SLC6A5: variants seen among roughly 807,000 people sequenced by gnomAD.
SLC6A5 encodes the protein solute carrier family 6 member 5.
In SLC6A5, 58 loss-of-function variants were observed where a neutral mutation model predicts 90.5. The observed-to-expected ratio is 0.64, with a 90% confidence interval of 0.52 to 0.80. The LOEUF is 0.80. SLC6A5 is among the 30% of genes least tolerant of loss of function. SLC6A5 has a pLI of 0.00. For missense variants in SLC6A5, 1,015 were observed against 1,017.6 expected, an observed-to-expected ratio of 1.00 and a Z score of 0.03; for synonymous variants, 427 against 401.4, an observed-to-expected ratio of 1.06 and a Z score of -0.76.
chr11:20,614,617 A>G, intron 5 of SLC6A5, 62 bp from the exon 6 acceptor site: 1 of 1,514,170 alleles, frequency 6.6e-7, no homozygotes, highest in Middle Eastern at 1.7e-4. Flanking sequence ...TGCTGCAGAG[A>G]GACAAATCTC....
Position 20,608,960 on chromosome 11 carries a change from G to C in SLC6A5, c.985+1308G>C, listed in dbSNP as rs201020650. Among the ~76,000 whole-genome samples, 281 of 65,344 alleles carry C rather than the reference G, an allele frequency of 4.3e-3. 1 individual carries two copies. Among genetic ancestry groups the C allele is most frequent in the Non-Finnish European group, 7.7e-3 (184 of 23,874 alleles). The allele number at this position is 65,344 out of a possible 152,430, so 42.9% of individuals were successfully genotyped here. On this transcript the variant is annotated intron_variant, in intron 5 of 15. Coordinates refer to ENST00000525748, the MANE Select transcript of SLC6A5 (RefSeq NM_004211.5). ...TCTCTCTCTCTCTCTCTCTCTCTCT[G>C]TGTGTGTGTGTGTGTGTGTGTGTGT... is the stretch of plus-strand genomic sequence containing the variant.
rs1853653750 is a variant in SLC6A5 at position 20,657,659 on chromosome 11, T to C, written c.*2791T>C. 1 of 152,234 alleles carries C rather than the reference T, an allele frequency of 6.6e-6. No homozygotes were observed. The highest frequency in any genetic ancestry group is 1.5e-5 in the Non-Finnish European group (1 of 68,040). 9.4% of individuals were successfully genotyped at this position (152,234 alleles called of 1,614,324 possible). On this transcript the variant is annotated 3_prime_UTR_variant, in exon 16 of 16. Transcript: ENST00000525748. The stretch of plus-strand genomic sequence containing the variant: ...AAAAACCGAGTAGCTGAGGAAAGAC[T>C]TTCATTGGTTCACTGTGTAGAATGG...
chr11:20,624,078 C>T (rs1398369777), intron 7 of SLC6A5, among the ~76,000 whole-genome samples: 2 of 138,098 alleles, frequency 1.4e-5, no homozygotes, highest in African/African-American at 5.3e-5. Flanking sequence ...ATATTAGTTG[C>T]TCTAAATATA....
At chr11:20,628,154 C>T (rs1206316573) in intron 9 of SLC6A5, 71 bp downstream of exon 9, 8 of 1,184,216 alleles carry the variant, frequency 6.8e-6, no homozygotes, top group South Asian at 1.2e-5. Context: ...AGTTATCAGA[C>T]ACCTGAGGCC....
chr11:20,622,826 G>A (rs893619072), intron 7 of SLC6A5, among the ~76,000 whole-genome samples: 2 of 152,128 alleles, frequency 1.3e-5, no homozygotes, highest in Non-Finnish European at 2.9e-5. Context: ...GGTGGTCAGA[G>A]GATGGAAAGG....
intron 7 of SLC6A5, among the ~76,000 whole-genome samples, chr11:20,620,884 C>G (rs1455382550): frequency 6.6e-6 from 1 of 152,112 alleles, no homozygotes; most frequent in Non-Finnish European, 1.5e-5. Context: ...ACTGCAACCT[C>G]CACCTCCTGG....
At chr11:20,629,666 C>G (rs191687065) in intron 9 of SLC6A5, among the ~76,000 whole-genome samples, 2 of 151,566 alleles carry the variant, frequency 1.3e-5, no homozygotes, top group Non-Finnish European at 2.9e-5. Context: ...GTTCATTCTT[C>G]TAGCTGTTTG....
intron 5 of SLC6A5, among the ~76,000 whole-genome samples, chr11:20,611,227 G>C (rs1288516428): frequency 6.6e-6 from 1 of 152,134 alleles, no homozygotes; most frequent in Non-Finnish European, 1.5e-5. Context: ...AGCCAAGGTG[G>C]ATGGATCACT....
chr11:20,628,951 C>T (rs534496835), intron 9 of SLC6A5, among the ~76,000 whole-genome samples: 10 of 152,268 alleles, frequency 6.6e-5, no homozygotes, highest in Admixed American at 2.6e-4. Context: ...CTGTGCTAGG[C>T]GGTGCATAGT....
intron 14 of SLC6A5, among the ~76,000 whole-genome samples, chr11:20,652,046 T>C (rs1271403491): frequency 2.0e-5 from 3 of 151,958 alleles, no homozygotes; most frequent in Admixed American, 6.5e-5. Context: ...TGTATACACA[T>C]GCACACATAT....
chr11:20,610,894 C>G (rs1179474757), intron 5 of SLC6A5, among the ~76,000 whole-genome samples: 1 of 152,126 alleles, frequency 6.6e-6, no homozygotes, highest in Non-Finnish European at 1.5e-5. Context: ...CTGCAATGCA[C>G]AGGACGGTCC....
At chr11:20,604,499 C>T in intron 3 of SLC6A5, 75 bp downstream of exon 3, 3 of 1,561,620 alleles carry the variant, frequency 1.9e-6, no homozygotes, top group Non-Finnish European at 2.6e-6. Context: ...CAGGAGCCCT[C>T]AGGCAGGGCC....
chr11:20,616,323 A>G (rs913239519), intron 6 of SLC6A5, among the ~76,000 whole-genome samples: 1 of 152,224 alleles, frequency 6.6e-6, no homozygotes, highest in Non-Finnish European at 1.5e-5. Context: ...ACCTGGTAGT[A>G]TGATGAAATC....
chr11:20,611,426 G>A (rs1852690600), intron 5 of SLC6A5, among the ~76,000 whole-genome samples: 2 of 152,334 alleles, frequency 1.3e-5, no homozygotes, highest in Middle Eastern at 3.4e-3. Context: ...CTGCACCCTA[G>A]CCTGGGTGAC....
chr11:20,602,384 G>A (rs1330405608), intron 2 of SLC6A5, among the ~76,000 whole-genome samples: 3 of 152,190 alleles, frequency 2.0e-5, no homozygotes, highest in Non-Finnish European at 2.9e-5. Flanking sequence ...AACCCACAGA[G>A]CAAATCCCAA....
At chr11:20,606,659 G>T (rs760475182) in intron 3 of SLC6A5, among the ~76,000 whole-genome samples, 1 of 152,072 alleles carries the variant, frequency 6.6e-6, no homozygotes, top group African/African-American at 2.4e-5. Flanking sequence ...TGAGTCAAAG[G>T]CATGGACTGG....
intron 13 of SLC6A5, among the ~76,000 whole-genome samples, chr11:20,642,703 A>G (rs1853336901): frequency 6.6e-6 from 1 of 152,338 alleles, no homozygotes; most frequent in Non-Finnish European, 1.5e-5. Flanking sequence ...AGGAAACCAT[A>G]TAAACAGAGG....
At position 20,638,449 on chromosome 11, in the gene SLC6A5, C is replaced by T. The variant is rs369732063; in HGVS notation, c.1870-10C>T. On this transcript the variant is annotated splice_polypyrimidine_tract_variant and intron_variant, in intron 12 of 15. Transcript: ENST00000525748. ...CGCATTTGATATTGGTTGTTTCTCT[C>T]TCCTGTTAGGGTGGAATTTACATGT... The T allele has an allele frequency of 1.3e-6, 2 of 1,573,656 alleles. No individual in the cohort carries two copies. The highest frequency in any genetic ancestry group is 2.2e-5 in the East Asian group (1 of 44,642).
intron 3 of SLC6A5, among the ~76,000 whole-genome samples, chr11:20,606,785 G>A (rs1404629883): frequency 6.6e-6 from 1 of 152,174 alleles, no homozygotes; most frequent in Non-Finnish European, 1.5e-5. Flanking sequence ...GTTGAAATAA[G>A]GAGTGTATTT....
Sources: allele counts gnomAD v4.1 joint callset (sites outside exome capture counted in the v4.1 genomes callset), GRCh38; gene constraint gnomAD v4.1.1; transcripts MANE v1.5; gene names NCBI Gene and HGNC (gene_info 2026-07-23, HGNC 2026-07-21).